The following PGBD5 variants were observed in gnomAD, a reference collection of about 807,000 sequenced individuals.
PGBD5 encodes the protein piggyBac transposable element derived 5.
A neutral mutation model predicts 47.9 loss-of-function variants in PGBD5; 14 were observed. The ratio of observed to expected loss-of-function variants is 0.29; its 90% CI spans 0.19 to 0.46. PGBD5 has a LOEUF of 0.46. PGBD5 is among the 20% of genes least tolerant of loss of function. The pLI, the probability that PGBD5 is intolerant of heterozygous loss-of-function variation, is 1.00. For synonymous variants in PGBD5, 316 were observed against 306.3 expected (o/e 1.03, Z -0.33); for missense variants, 635 against 716.0 (o/e 0.89, Z 1.29).
intron 1 of PGBD5, among the ~76,000 whole-genome samples, chr1:230,402,743 C>T (rs567846330): frequency 4.3e-4 from 66 of 152,312 alleles, no homozygotes; most frequent in African/African-American, 1.4e-3. Context: ...CCACCTTGGC[C>T]TTCCAAAGCA....
At chr1:230,328,544 G>A (rs931861523) in intron 5 of PGBD5, among the ~76,000 whole-genome samples, 6 of 152,174 alleles carry the variant, frequency 3.9e-5, no homozygotes, top group Non-Finnish European at 5.9e-5. Context: ...TGAGAATGGC[G>A]TGTATGTCAT....
rs138949224 is a variant in PGBD5 at position 230,323,469 on chromosome 1, C to T, written c.1531G>A (p.Val511Ile). Residue 511 changes from valine to isoleucine, a missense_variant, in exon 7 of 7, where the codon GTC becomes ATC. Transcript: ENST00000391860. The surrounding 1 kb of genome is among the most constrained non-coding windows in gnomAD (Gnocchi z 4.1). ...TCCTCCAAGCCCAGCAGCTCTCTGA[C>T]GAGTCTCTCTCCAAACTGCGCCCGG... is the stretch of plus-strand genomic sequence containing the variant. ...YSRAQFGERL[V>I]RELLGLEDAS... is the part of the protein sequence containing the mutation. 52 of 1,614,116 alleles carry T rather than the reference C, an allele frequency of 3.2e-5. No individual in the cohort carries two copies. In the East Asian group the frequency reaches 6.7e-4, roughly 21 times the overall value.
intron 5 of PGBD5, among the ~76,000 whole-genome samples, chr1:230,331,738 C>A (rs1667220268): frequency 6.6e-6 from 1 of 151,532 alleles, no homozygotes; most frequent in Non-Finnish European, 1.5e-5. Context: ...CAAGCAATGT[C>A]CTGCCACAGC....
chr1:230,419,543 CCT>C (rs200338977), intron 1 of PGBD5, among the ~76,000 whole-genome samples: 2,603 of 152,092 alleles, frequency 0.017, 32 homozygotes, highest in Middle Eastern at 0.031. Flanking sequence ...ACATGTATCC[CCT>C]GAGTCTAAAA....
At chr1:230,351,546 C>A (rs1481497503) in intron 2 of PGBD5, among the ~76,000 whole-genome samples, 16 of 152,238 alleles carry the variant, frequency 1.1e-4, no homozygotes, top group African/African-American at 3.4e-4. Flanking sequence ...CACTGATCCA[C>A]AATTTACCTA....
intron 1 of PGBD5, among the ~76,000 whole-genome samples, chr1:230,376,790 T>C (rs1558204620): frequency 1.3e-5 from 2 of 152,180 alleles, no homozygotes. Context: ...CTAAGGTTCT[T>C]TCTGGCTCTT....
Position 230,367,408 on chromosome 1 carries a change from A to G in PGBD5, c.332-10087T>C, listed in dbSNP as rs1306383092. Among the ~76,000 whole-genome samples the G allele has an allele frequency of 2.6e-5, 4 of 152,218 alleles. No homozygotes were observed. The South Asian group carries it at 8.3e-4, about 32-fold the overall frequency. ...CCATGTAGGGAGCAATCTGAGTGAT[A>G]AAAAGGATGCTGGCCGGGCACAGTG... On this transcript the variant is annotated intron_variant, in intron 1 of 6. Coordinates refer to ENST00000391860, the MANE Select transcript of PGBD5 (RefSeq NM_001258311.2).
Position 230,323,195 on chromosome 1 carries a change from C to T in PGBD5, c.*230G>A, listed in dbSNP as rs150404793. ...TGAGAACGTGGGTGTAAGTGCTCAT[C>T]ACACCGGCGGCACTGTTTCTCGAGG... is the stretch of plus-strand genomic sequence containing the variant. On this transcript the variant is annotated 3_prime_UTR_variant, in exon 7 of 7. Transcript: ENST00000391860. This position sits in a 1 kb window ranked among gnomAD's most constrained non-coding sequence, Gnocchi z 4.1. 23 of 550,614 alleles carry T rather than the reference C, an allele frequency of 4.2e-5. No homozygotes were observed. The East Asian group carries it at 7.0e-4, about 17-fold the overall frequency. 34.1% of individuals were successfully genotyped at this position (550,614 alleles called of 1,614,324 possible).
chr1:230,370,212 T>C (rs1667907539), intron 1 of PGBD5, among the ~76,000 whole-genome samples: 2 of 152,196 alleles, frequency 1.3e-5, no homozygotes, highest in Non-Finnish European at 2.9e-5. Flanking sequence ...CTACCTGCCT[T>C]GCCCTGACAC....
At chr1:230,386,425 G>A (rs529965778) in intron 1 of PGBD5, among the ~76,000 whole-genome samples, 4 of 152,048 alleles carry the variant, frequency 2.6e-5, no homozygotes, top group Admixed American at 6.5e-5. Flanking sequence ...TATACCAAAT[G>A]TCTCTGCCTC....
intron 5 of PGBD5, among the ~76,000 whole-genome samples, chr1:230,328,084 G>A (rs1042240400): frequency 1.2e-4 from 18 of 152,100 alleles, no homozygotes; most frequent in Admixed American, 1.3e-4. Flanking sequence ...TAGTGTCTCC[G>A]GTGAGTCATG....
chr1:230,333,017 C>G lies in PGBD5; in HGVS notation c.1100G>C (p.Arg367Pro). The G allele has an allele frequency of 6.2e-7, 1 of 1,602,916 alleles. No individual in the cohort carries two copies. The highest frequency in any genetic ancestry group is 8.5e-7 in the Non-Finnish European group (1 of 1,175,236). ...KQGIYCCGLL[R>P]ARKSDCTGLP... ...GCCGGTGCAGTCACTCTTCCGCGCG[C>G]GGAGCAAGCCGCAGCAGTAAATCCC... Residue 367 changes from arginine to proline, a missense_variant, in exon 5 of 7, where the codon CGC (arginine) becomes CCC (proline). Arg to Pro is a moderately radical substitution (Grantham distance 103). Coordinates refer to ENST00000391860, the MANE Select transcript of PGBD5 (RefSeq NM_001258311.2).
rs1666982665 is a variant in PGBD5, at chr1:230,318,490, GC to G, written c.*4934del. On this transcript the variant is annotated 3_prime_UTR_variant, in exon 7 of 7. Coordinates refer to ENST00000391860, the MANE Select transcript of PGBD5 (RefSeq NM_001258311.2). Reference sequence around the variant, plus strand: ...CTGTTTTCCAAAGCAAGCTGCAGAGGCCACCGGTGGGGAGGGGGCACTGGGG... The same window carrying G: ...CTGTTTTCCAAAGCAAGCTGCAGAGGCACCGGTGGGGAGGGGGCACTGGGG... The G allele has an allele frequency of 6.6e-6, 1 of 152,382 alleles. No individual in the cohort carries two copies. Among genetic ancestry groups the G allele is most frequent in the South Asian group, 2.1e-4 (1 of 4,834 alleles). 9.4% of individuals were successfully genotyped at this position (152,382 alleles called of 1,614,324 possible).
intron 1 of PGBD5, among the ~76,000 whole-genome samples, chr1:230,386,318 TAA>T (rs71846381): frequency 1.2e-3 from 168 of 145,380 alleles, no homozygotes; most frequent in Non-Finnish European, 9.7e-4. Flanking sequence ...AACCCTATCT[TAA>T]AAAAAAAAAA....
At chr1:230,397,675 C>G (rs541889168) in intron 1 of PGBD5, among the ~76,000 whole-genome samples, 66 of 152,346 alleles carry the variant, frequency 4.3e-4, no homozygotes, top group Middle Eastern at 6.8e-3. Flanking sequence ...TGGGCATACA[C>G]AGAGGCAAAA....
intron 1 of PGBD5, among the ~76,000 whole-genome samples, chr1:230,362,115 G>A (rs567646862): frequency 4.6e-4 from 70 of 152,372 alleles, no homozygotes; most frequent in African/African-American, 8.7e-4. Context: ...CCAAGGGCGC[G>A]GGAAGCCAGT....
chr1:230,323,458 C>T lies in PGBD5; in HGVS notation c.1542G>A (p.Leu514=). Residue 514 remains leucine (L), a synonymous_variant, in exon 7 of 7, where the codon CTG becomes CTA. Coordinates refer to ENST00000391860, the MANE Select transcript of PGBD5 (RefSeq NM_001258311.2). This position sits in a 1 kb window ranked among gnomAD's most constrained non-coding sequence, Gnocchi z 4.1. ...AQFGERLVRE[L]LGLEDASPTH ...TCGGAGAGGCATCCTCCAAGCCCAG[C>T]AGCTCTCTGACGAGTCTCTCTCCAA... is the stretch of plus-strand genomic sequence containing the variant. The T allele has an allele frequency of 6.2e-7, 1 of 1,614,078 alleles. No individual in the cohort carries two copies. The highest frequency in any genetic ancestry group is 8.5e-7 in the Non-Finnish European group (1 of 1,179,972).
intron 1 of PGBD5, among the ~76,000 whole-genome samples, chr1:230,415,143 C>G (rs1657487483): frequency 6.6e-6 from 1 of 152,098 alleles, no homozygotes; most frequent in Admixed American, 6.5e-5. Flanking sequence ...TGGCGCCTAT[C>G]TGTAGTCTCC....
chr1:230,415,500 T>C (rs1657493481), intron 1 of PGBD5, among the ~76,000 whole-genome samples: 1 of 152,222 alleles, frequency 6.6e-6, no homozygotes. Context: ...CCAGGGAAGC[T>C]TGCTGGAGGC....
Sources: gnomAD v4.1 joint callset for allele counts (sites outside exome capture counted in the v4.1 genomes callset) on GRCh38, gnomAD v4.1.1 for gene constraint, Gnocchi (gnomAD v3.1) non-coding constraint, MANE v1.5 for transcripts, NCBI Gene and HGNC (gene_info 2026-07-23, HGNC 2026-07-21) for gene names.